Variants in PRMT2 observed in about 807,000 individuals in gnomAD.
PRMT2 encodes the protein protein arginine methyltransferase 2.
Under a neutral mutation model 57.6 loss-of-function variants are expected in PRMT2, and 26 were observed. The observed-to-expected ratio is 0.45, with a 90% CI of 0.33 to 0.63. The LOEUF is 0.63. Ranked by LOEUF, PRMT2 falls within the 20% of genes least tolerant of loss-of-function variation. The pLI, the probability that PRMT2 is intolerant of heterozygous loss-of-function variation, is 0.02. For missense variants in PRMT2, 472 were observed against 564.4 expected, an observed-to-expected ratio of 0.84 and a Z score of 1.66; for synonymous variants, 219 against 220.0, an observed-to-expected ratio of 1.00 and a Z score of 0.04.
chr21:46,658,713 G>A (rs1337150024), intron 7 of PRMT2, 32 bp from the exon 8 acceptor site: 3 of 1,608,334 alleles, frequency 1.9e-6, no homozygotes, highest in African/African-American at 1.3e-5. Flanking sequence ...GGCCTGTGAT[G>A]TGTCTCCTGT....
At chr21:46,637,944 A>T (rs2061204283) in intron 3 of PRMT2, among the ~76,000 whole-genome samples, 1 of 152,130 alleles carries the variant, frequency 6.6e-6, no homozygotes, top group African/African-American at 2.4e-5. Context: ...CAGCACGGCC[A>T]ATAAACTGAG....
intron 7 of PRMT2, among the ~76,000 whole-genome samples, chr21:46,650,099 G>A (rs2061427002): frequency 1.3e-5 from 2 of 152,164 alleles, no homozygotes; most frequent in South Asian, 4.1e-4. Flanking sequence ...CCTTAGACTG[G>A]CCCCAGTGAT....
rs2061488197 is a variant in PRMT2, at chr21:46,653,213, A to C, written c.654+3474A>C. On this transcript the variant is annotated intron_variant, in intron 7 of 11. Transcript: ENST00000355680. Reference sequence around the variant, plus strand: ...AACTGCTGAGGTTAACAAAGATGTAATAATTCTCTTCACACAGCCTTGTAC... The same window carrying C: ...AACTGCTGAGGTTAACAAAGATGTACTAATTCTCTTCACACAGCCTTGTAC... 8 of 985,338 alleles carry C rather than the reference A, an allele frequency of 8.1e-6. No individual in the cohort carries two copies. In the African/African-American group the frequency reaches 1.0e-4, roughly 13 times the overall value. 61.0% of individuals were successfully genotyped at this position (985,338 alleles called of 1,614,324 possible).
At position 46,649,884 on chromosome 21, in the gene PRMT2, G is replaced by A; in HGVS notation, c.654+145G>A. The A allele has an allele frequency of 1.3e-6, 2 of 1,485,168 alleles. No homozygotes were observed. The highest frequency in any genetic ancestry group is 1.8e-6 in the Non-Finnish European group (2 of 1,108,952). 92.0% of individuals were successfully genotyped at this position (1,485,168 alleles called of 1,614,324 possible). ...ATGTGAGGTCTAATTAATTTCTTGT[G>A]TGGACATTGGCTCAGTGTCTTGAAT... is the stretch of plus-strand genomic sequence containing the variant. On this transcript the variant is annotated intron_variant, in intron 7 of 11. Coordinates refer to ENST00000355680, the MANE Select transcript of PRMT2 (RefSeq NM_206962.4). The surrounding 1 kb of genome is among the most constrained non-coding windows in gnomAD (Gnocchi z 4.8).
At chr21:46,659,640 T>C (rs1157733117) in intron 8 of PRMT2, 18 of 984,376 alleles carry the variant, frequency 1.8e-5, no homozygotes, top group Non-Finnish European at 2.2e-5. Flanking sequence ...TAAATTAAAA[T>C]AGTAGCCCAG....
chr21:46,636,987 G>A lies in PRMT2; in HGVS notation c.36G>A (p.Ser12=), dbSNP rs776700720. The change falls in exon 3 of 12, where the codon TCG becomes TCA. Residue 12 remains serine (S), a synonymous_variant. Coordinates refer to ENST00000355680, the MANE Select transcript of PRMT2 (RefSeq NM_206962.4). ...ATSGDCPRSE[S]QGEEPAECSE... ...CAGGTGACTGTCCCAGAAGTGAATC[G>A]CAGGTAATTTCCGTTCCACTTCCTA... 1.2e-6 allele frequency: 2 copies of A among 1,613,804 alleles called. No individual in the cohort carries two copies. Among genetic ancestry groups the A allele is most frequent in the Non-Finnish European group, 8.5e-7 (1 of 1,179,890 alleles).
Position 46,664,386 on chromosome 21 carries a change from A to C in PRMT2, c.*59A>C. ...ATCTTGAGGGGTGATGAACACAAGC[A>C]AACCAAGTTGCACCTGGCTTCTGCA... On this transcript the variant is annotated 3_prime_UTR_variant, in exon 12 of 12. Transcript: ENST00000355680. The C allele has an allele frequency of 1.9e-6, 3 of 1,610,716 alleles. No homozygotes were observed. In the South Asian group the frequency reaches 3.3e-5, roughly 18 times the overall value.
intron 5 of PRMT2, among the ~76,000 whole-genome samples, chr21:46,645,521 C>G (rs968835126): frequency 6.6e-6 from 1 of 152,112 alleles, no homozygotes; most frequent in African/African-American, 2.4e-5. Flanking sequence ...TTTTCCCCAC[C>G]ATGGAGAAAT....
chr21:46,664,201 T>C, intron 11 of PRMT2, 94 bp from the exon 12 acceptor site: 2 of 1,122,154 alleles, frequency 1.8e-6, no homozygotes, highest in South Asian at 2.5e-5. Flanking sequence ...ACCTGAATAC[T>C]GTTCTCTTGT....
intron 3 of PRMT2, among the ~76,000 whole-genome samples, chr21:46,639,921 T>C (rs900225814): frequency 6.6e-6 from 1 of 152,220 alleles, no homozygotes; most frequent in Non-Finnish European, 1.5e-5. Flanking sequence ...CTGTTTGTTT[T>C]ATGTTTGTCA....
intron 11 of PRMT2, among the ~76,000 whole-genome samples, chr21:46,664,060 C>G (rs1240220768): frequency 6.6e-6 from 1 of 152,168 alleles, no homozygotes; most frequent in Non-Finnish European, 1.5e-5. Flanking sequence ...ATGGAATGTT[C>G]TTCTTTGGGC....
chr21:46,664,526 GC>G lies in PRMT2; in HGVS notation c.*201del. 1.5e-6 allele frequency: 1 copy of G among 656,108 alleles called. No individual in the cohort carries two copies. Among genetic ancestry groups the G allele is most frequent in the Non-Finnish European group, 2.7e-6 (1 of 370,206 alleles). The allele number at this position is 656,108 out of a possible 1,614,324, so 40.6% of individuals were successfully genotyped here. Reference sequence around the variant, plus strand: ...CTTGGGCTCGGCAGGAGCTGCCGTGGCCACCCCCGCTGCCCAGTGTCTGCCC... The same window carrying G: ...CTTGGGCTCGGCAGGAGCTGCCGTGGCACCCCCGCTGCCCAGTGTCTGCCC... On this transcript the variant is annotated 3_prime_UTR_variant, in exon 12 of 12. Transcript: ENST00000355680.
rs191297200 is a variant in PRMT2, at chr21:46,659,786, A to G, written c.830+866A>G. On this transcript the variant is annotated intron_variant, in intron 8 of 11. Transcript: ENST00000355680. ...CTGGAAGCCAGTGGCCGTCCAGAGG[A>G]ACGTGATTGAATTGCTGTATATCCA... 613 of 985,382 alleles carry G rather than the reference A, an allele frequency of 6.2e-4. 3 individuals are homozygous for G. The African/African-American group carries it at 9.7e-3, about 16-fold the overall frequency. The allele number at this position is 985,382 out of a possible 1,614,324, so 61.0% of individuals were successfully genotyped here.
At chr21:46,660,728 C>T (rs997627352) in intron 8 of PRMT2, 105 bp from the exon 9 acceptor site, 21 of 1,410,902 alleles carry the variant, frequency 1.5e-5, no homozygotes, top group African/African-American at 2.9e-5. Flanking sequence ...GCTTAGCATC[C>T]TGGTGACACA....
chr21:46,661,763 C>T, intron 9 of PRMT2, 37 bp from the exon 10 acceptor site: 1 of 1,303,434 alleles, frequency 7.7e-7, no homozygotes, highest in Non-Finnish European at 9.8e-7. Context: ...CGGTGCCACG[C>T]GGTGCCCACG....
Position 46,648,768 on chromosome 21 carries a change from C to T in PRMT2, c.489+149C>T. 9.6e-7 allele frequency: 1 copy of T among 1,046,128 alleles called. No individual in the cohort carries two copies. Among genetic ancestry groups the T allele is most frequent in the East Asian group, 2.5e-5 (1 of 40,462 alleles). 64.8% of individuals were successfully genotyped at this position (1,046,128 alleles called of 1,614,324 possible). ...TGTTGAGCACCCTGCACGTGGGGCT[C>T]AGGGTCGGTAAAATAGCAGTGCGTG... On this transcript the variant is annotated intron_variant, in intron 6 of 11. Coordinates refer to ENST00000355680, the MANE Select transcript of PRMT2 (RefSeq NM_206962.4). This position sits in a 1 kb window ranked among gnomAD's most constrained non-coding sequence, Gnocchi z 4.8.
chr21:46,653,657 C>A, intron 7 of PRMT2: 1 of 1,246,456 alleles, frequency 8.0e-7, no homozygotes, highest in South Asian at 1.5e-5. Context: ...TGGTTGCATT[C>A]CCTGGAGCTC....
At chr21:46,661,170 T>C in intron 9 of PRMT2, 1 of 469,542 alleles carries the variant, frequency 2.1e-6, no homozygotes, top group Middle Eastern at 4.6e-4. Flanking sequence ...ATTTTGATTC[T>C]TTCATATTGT....
chr21:46,664,714 CTA>C lies in PRMT2; in HGVS notation c.*389_*390del. 3.8e-6 allele frequency: 1 copy of C among 266,636 alleles called. No homozygotes were observed. Among genetic ancestry groups the C allele is most frequent in the South Asian group, 6.5e-5 (1 of 15,420 alleles). 16.5% of individuals were successfully genotyped at this position (266,636 alleles called of 1,614,324 possible). A position where few individuals can be genotyped will look rare whatever the true frequency, so the allele number is the denominator to read the frequency against. ...CTGTGACAGTGACTGTCCCCACCTC[CTA>C]TGTTAGTGGTGCCCTTACTGCCGTC... On this transcript the variant is annotated 3_prime_UTR_variant, in exon 12 of 12. Coordinates refer to ENST00000355680, the MANE Select transcript of PRMT2 (RefSeq NM_206962.4).
Sources: allele counts gnomAD v4.1 joint callset (sites outside exome capture counted in the v4.1 genomes callset), GRCh38; gene constraint gnomAD v4.1.1; non-coding constraint Gnocchi (gnomAD v3.1); transcripts MANE v1.5; gene names NCBI Gene and HGNC (gene_info 2026-07-23, HGNC 2026-07-21).